Variants in AKAP6 observed in about 807,000 individuals in gnomAD.
AKAP6 encodes A-kinase anchor protein 6.
A neutral mutation model predicts 188.5 loss-of-function variants in AKAP6; 58 were observed. The observed-to-expected ratio is 0.31, with a 90% CI of 0.25 to 0.38. The LOEUF (loss-of-function observed/expected upper bound fraction) is 0.38. Ranked by LOEUF, AKAP6 falls within the 10% of genes least tolerant of loss-of-function variation. The probability of loss-of-function intolerance (pLI) is 1.00; values close to 1 mark genes in which losing one functional copy is unlikely to be tolerated. For missense variants in AKAP6, 2,710 were observed against 2,740.0 expected, an observed-to-expected ratio of 0.99 and a Z score of 0.24; for synonymous variants, 989 against 998.6, an observed-to-expected ratio of 0.99 and a Z score of 0.18.
intron 11 of AKAP6, among the ~76,000 whole-genome samples, chr14:32,755,717 A>G (rs1360327369): frequency 2.6e-5 from 4 of 152,076 alleles, no homozygotes; most frequent in African/African-American, 9.7e-5. Context: ...TTGTACAGAC[A>G]AGGTTTCACC....
rs143821832 is a variant in AKAP6, at chr14:32,521,708, A to G, written c.325-13846A>G. Among the ~76,000 whole-genome samples the G allele has an allele frequency of 3.9e-5, 6 of 152,356 alleles. No individual in the cohort carries two copies. In the East Asian group the frequency reaches 1.2e-3, roughly 29 times the overall value. On this transcript the variant is annotated intron_variant, in intron 2 of 13. Transcript: ENST00000280979. ...AAAGAAGACACAAACAAATGGAAGAACATTCCATGCTCATGGTTAGGAAGA... is the reference window on the plus strand; with the variant it reads ...AAAGAAGACACAAACAAATGGAAGAGCATTCCATGCTCATGGTTAGGAAGA...
At chr14:32,522,076 C>G (rs1426547783) in intron 2 of AKAP6, among the ~76,000 whole-genome samples, 2 of 152,130 alleles carry the variant, frequency 1.3e-5, no homozygotes, top group African/African-American at 4.8e-5. Context: ...CTGACGAAAA[C>G]AAGAAATGGG....
chr14:32,718,524 G>A (rs1169356195), intron 9 of AKAP6, among the ~76,000 whole-genome samples: 4 of 152,128 alleles, frequency 2.6e-5, no homozygotes, highest in Non-Finnish European at 5.9e-5. Flanking sequence ...TTCTTGCTAT[G>A]AGAAAACACT....
intron 1 of AKAP6, among the ~76,000 whole-genome samples, chr14:32,334,442 G>T (rs1395565351): frequency 1.3e-5 from 2 of 152,032 alleles, no homozygotes; most frequent in South Asian, 2.1e-4. Flanking sequence ...CTATCATAAT[G>T]CCCATGTTCA....
At position 32,816,396 on chromosome 14, in the gene AKAP6, A is replaced by G. The variant is rs980691220; in HGVS notation, c.3589-5006A>G. Among the ~76,000 whole-genome samples, 11 of 151,996 alleles carry G rather than the reference A, an allele frequency of 7.2e-5. No individual in the cohort carries two copies. In the South Asian group the frequency reaches 1.0e-3, roughly 14 times the overall value. ...TTTTACATTGAGACAGTGTCTCACT[A>G]TGTTTCCCAGGCTGGTCTCAAACTC... On this transcript the variant is annotated intron_variant, in intron 12 of 13. Transcript: ENST00000280979.
chr14:32,481,657 G>A (rs962265472), intron 2 of AKAP6, among the ~76,000 whole-genome samples: 11 of 152,048 alleles, frequency 7.2e-5, no homozygotes, highest in Admixed American at 7.2e-4. Flanking sequence ...ACCTCCCACC[G>A]GGTCCCTCCC....
chr14:32,345,443 T>C (rs1887036460), intron 1 of AKAP6, among the ~76,000 whole-genome samples: 1 of 152,240 alleles, frequency 6.6e-6, no homozygotes, highest in South Asian at 2.1e-4. Context: ...GGCTGTCAGC[T>C]GTGATGTAGC....
Position 32,835,706 on chromosome 14 carries a change from GCCATAGGTGGA to G in AKAP6, c.*5903_*5913del, listed in dbSNP as rs2034867896. 6.6e-6 allele frequency: 1 copy of G among 152,170 alleles called. No individual in the cohort carries two copies. Among genetic ancestry groups the G allele is most frequent in the African/African-American group, 2.4e-5 (1 of 41,436 alleles). 9.4% of individuals were successfully genotyped at this position (152,170 alleles called of 1,614,324 possible). On this transcript the variant is annotated 3_prime_UTR_variant, in exon 14 of 14. Coordinates refer to ENST00000280979, the MANE Select transcript of AKAP6 (RefSeq NM_004274.5). ...AGTATTCACCACAAACCCTGGTGTG[GCCATAGGTGGA>G]CACTCTAATTAAAAAGAAGATGTTC...
At chr14:32,706,460 T>C (rs540478300) in intron 9 of AKAP6, among the ~76,000 whole-genome samples, 1 of 152,210 alleles carries the variant, frequency 6.6e-6, no homozygotes, top group South Asian at 2.1e-4. Flanking sequence ...TTATGCTTTT[T>C]GGGAGATGCA....
chr14:32,469,675 C>CTTT (rs3032351), intron 2 of AKAP6, among the ~76,000 whole-genome samples: 2,746 of 145,440 alleles, frequency 0.019, 79 homozygotes, highest in African/African-American at 0.062. Context: ...AAAAGAATGT[C>CTTT]TTTTTTTTTT....
Position 32,821,943 on chromosome 14 carries a change from A to G in AKAP6, c.4130A>G (p.Asn1377Ser), listed in dbSNP as rs1230831844. 2.5e-6 allele frequency: 4 copies of G among 1,613,750 alleles called. No individual in the cohort carries two copies. The highest frequency in any genetic ancestry group is 1.7e-5 in the Admixed American group (1 of 59,920). Residue 1377 changes from asparagine (N) to serine (S), a missense_variant, in exon 13 of 14, where the codon AAC becomes AGC. This residue lies in a region of AKAP6 where 2,473 missense variants were observed against 2,426.1 expected (regional missense o/e 1.02). Transcript: ENST00000280979. ...GAAGGAGACACAGAAACCACTACCA[A>G]CTCTGAAATGTGCTTGCTCAATGCA... ...VSEGDTETTT[N>S]SEMCLLNAVD...
In AKAP6 at chr14:32,735,687, A is replaced by T. The variant is rs756579753; in HGVS notation, c.3177A>T (p.Thr1059=). The T allele has an allele frequency of 6.2e-7, 1 of 1,611,682 alleles. No individual in the cohort carries two copies. Among genetic ancestry groups the T allele is most frequent in the African/African-American group, 1.3e-5 (1 of 74,810 alleles). The change falls in exon 11 of 14, where the codon ACA becomes ACT. Residue 1059 remains threonine (T), a synonymous_variant. Transcript: ENST00000280979. ...CCCTAGGAGAGAAGATCCAGGACACAATGGCAGGGCACAGTGGGTCGAGTC... is the reference window on the plus strand; with the variant it reads ...CCCTAGGAGAGAAGATCCAGGACACTATGGCAGGGCACAGTGGGTCGAGTC... ...GKTLGEKIQD[T]MAGHSGSSPR...
chr14:32,363,880 A>G (rs2138496787), intron 1 of AKAP6, among the ~76,000 whole-genome samples: 2 of 152,366 alleles, frequency 1.3e-5, no homozygotes, highest in Admixed American at 1.3e-4. Context: ...AAAGGCGAAT[A>G]GGTGGTTGCT....
At chr14:32,748,732 A>G (rs1481446552) in intron 11 of AKAP6, among the ~76,000 whole-genome samples, 1 of 152,156 alleles carries the variant, frequency 6.6e-6, no homozygotes, top group Admixed American at 6.5e-5. Flanking sequence ...TGACCTGGGA[A>G]GGAAGAGCTC....
At chr14:32,575,232 C>A (rs984776961) in intron 4 of AKAP6, among the ~76,000 whole-genome samples, 3 of 151,812 alleles carry the variant, frequency 2.0e-5, no homozygotes, top group Admixed American at 6.6e-5. Flanking sequence ...AAACTGATAC[C>A]CTGAAGATAG....
At chr14:32,578,504 G>T (rs528109881) in intron 5 of AKAP6, among the ~76,000 whole-genome samples, 2 of 152,086 alleles carry the variant, frequency 1.3e-5, no homozygotes, top group East Asian at 3.9e-4. Flanking sequence ...GTTGAGTAGA[G>T]TTTCAACTTT....
chr14:32,362,528 T>C (rs78645700), intron 1 of AKAP6, among the ~76,000 whole-genome samples: 4,244 of 152,210 alleles, frequency 0.028, 98 homozygotes, highest in Middle Eastern at 0.11. Flanking sequence ...TGCATGCTTG[T>C]ATGTATGTTT....
chr14:32,451,041 T>G (rs1239086535), intron 2 of AKAP6, among the ~76,000 whole-genome samples: 1 of 152,192 alleles, frequency 6.6e-6, no homozygotes, highest in Non-Finnish European at 1.5e-5. Flanking sequence ...TTTACTCTAT[T>G]GCTTTATATT....
chr14:32,412,633 G>A (rs11850336), intron 1 of AKAP6, among the ~76,000 whole-genome samples: 1,825 of 152,196 alleles, frequency 0.012, 35 homozygotes, highest in African/African-American at 0.04. Flanking sequence ...GTTCACTTTC[G>A]TTATGGCTCT....
Sources: allele counts gnomAD v4.1 joint callset (sites outside exome capture counted in the v4.1 genomes callset), GRCh38; gene constraint gnomAD v4.1.1; regional missense constraint gnomAD v4.1.1; transcripts MANE v1.5; gene names NCBI Gene and HGNC (gene_info 2026-07-23, HGNC 2026-07-21).